The following CFAP263 variants were observed in gnomAD, a reference collection of about 807,000 sequenced individuals.
CFAP263 encodes cilia- and flagella-associated protein 263.
chr16:58,252,959 G>A, the CFAP263 span: 1 of 1,097,220 alleles, frequency 9.1e-7, no homozygotes, highest in Non-Finnish European at 1.4e-6. Flanking sequence ...ATTGACCATG[G>A]GACCTTCTCC....
the CFAP263 span, among the ~76,000 whole-genome samples, chr16:58,260,467 G>T: frequency 6.6e-6 from 1 of 152,206 alleles, no homozygotes; most frequent in Non-Finnish European, 1.5e-5. Context: ...AAACTCATAT[G>T]ATGACTGTGC....
chr16:58,254,749 C>T, the CFAP263 span, among the ~76,000 whole-genome samples: 21,726 of 151,686 alleles, frequency 0.14, 2,022 homozygotes, highest in East Asian at 0.33. Flanking sequence ...GTACTGCAGG[C>T]GCCCGCCACC....
At chr16:58,252,784 A>G in the CFAP263 span, 1 of 1,613,400 alleles carries the variant, frequency 6.2e-7, no homozygotes, top group Non-Finnish European at 8.5e-7. Flanking sequence ...ATTACGCTAA[A>G]CTGGAGCCCA....
chr16:58,259,963 GT>G, the CFAP263 span: 1 of 1,465,680 alleles, frequency 6.8e-7, no homozygotes, highest in Non-Finnish European at 9.5e-7. Flanking sequence ...CTCTCTCTCT[GT>G]TTCTTTTTAA....
the CFAP263 span, chr16:58,250,069 C>T: frequency 8.5e-5 from 136 of 1,598,258 alleles, no homozygotes; most frequent in Non-Finnish European, 8.5e-7. Flanking sequence ...AGGGTCGGAG[C>T]TGGAGCTGCC....
chr16:58,251,111 A>G, the CFAP263 span, among the ~76,000 whole-genome samples: 22 of 152,214 alleles, frequency 1.4e-4, no homozygotes, highest in Non-Finnish European at 5.9e-5. Context: ...GAACTGAGGT[A>G]TTATTACTAA....
chr16:58,282,663 T>G, the CFAP263 span: 1 of 152,200 alleles, frequency 6.6e-6, no homozygotes, highest in East Asian at 1.9e-4. Context: ...AGGGGGTGCT[T>G]TAGTGTGGCA....
chr16:58,252,729 A>G, the CFAP263 span: 25 of 1,613,234 alleles, frequency 1.5e-5, no homozygotes, highest in Non-Finnish European at 2.0e-5. Flanking sequence ...TCTTGCAGCT[A>G]TGTAAACTCT....
At chr16:58,274,056 A>G in the CFAP263 span, among the ~76,000 whole-genome samples, 1 of 152,246 alleles carries the variant, frequency 6.6e-6, no homozygotes, top group East Asian at 1.9e-4. Flanking sequence ...ACACTCAGCC[A>G]TCAGCCTTCA....
the CFAP263 span, among the ~76,000 whole-genome samples, chr16:58,263,683 A>C: frequency 2.0e-5 from 3 of 152,216 alleles, no homozygotes; most frequent in African/African-American, 4.8e-5. Flanking sequence ...CCGGGGGTCA[A>C]AGATGCAAAG....
chr16:58,257,506 A>G, the CFAP263 span, among the ~76,000 whole-genome samples: 3 of 151,870 alleles, frequency 2.0e-5, no homozygotes, highest in South Asian at 6.3e-4. Context: ...CAATCATAGC[A>G]CACTACAGCC....
the CFAP263 span, among the ~76,000 whole-genome samples, chr16:58,258,982 AAAAT>A: frequency 0.14 from 20,686 of 143,898 alleles, 1,619 homozygotes; most frequent in East Asian, 0.31. Context: ...CGTCTCAGAA[AAAAT>A]AAATAAATAA....
chr16:58,279,011 T>A, the CFAP263 span, among the ~76,000 whole-genome samples: 1 of 152,178 alleles, frequency 6.6e-6, no homozygotes, highest in Non-Finnish European at 1.5e-5. Flanking sequence ...GATGGATTTT[T>A]TAATATCACT....
At chr16:58,265,976 G>A in the CFAP263 span, among the ~76,000 whole-genome samples, 55 of 152,202 alleles carry the variant, frequency 3.6e-4, no homozygotes, top group Non-Finnish European at 6.5e-4. Context: ...CTGGACTTGC[G>A]GCAAAGTCCT....
chr16:58,259,777 A>C, the CFAP263 span: 6 of 922,910 alleles, frequency 6.5e-6, no homozygotes, highest in Non-Finnish European at 1.0e-5. Flanking sequence ...GCAGCCCCAG[A>C]ACCATCCACT....
the CFAP263 span, among the ~76,000 whole-genome samples, chr16:58,256,467 A>G: frequency 2.0e-5 from 3 of 152,198 alleles, no homozygotes. Flanking sequence ...GGAGAATGAC[A>G]TGGGCAAGGC....
At chr16:58,252,695 A>G in the CFAP263 span, 1 of 1,603,376 alleles carries the variant, frequency 6.2e-7, no homozygotes, top group Non-Finnish European at 8.5e-7. Flanking sequence ...AACTCTTATT[A>G]CTAGAACTTA....
At chr16:58,249,990 T>C in the CFAP263 span, 10 of 1,509,488 alleles carry the variant, frequency 6.6e-6, no homozygotes, top group Non-Finnish European at 9.1e-6. Flanking sequence ...CACACGGCAT[T>C]GGCAGGGGCC....
the CFAP263 span, chr16:58,254,140 G>A: frequency 3.2e-5 from 51 of 1,614,058 alleles, no homozygotes; most frequent in Admixed American, 4.3e-4. Flanking sequence ...AATGCGGAAC[G>A]CGACCTGCAG....
Sources: allele counts gnomAD v4.1 joint callset (sites outside exome capture counted in the v4.1 genomes callset), GRCh38; gene constraint gnomAD v4.1.1; transcripts MANE v1.5; gene names NCBI Gene and HGNC (gene_info 2026-07-23, HGNC 2026-07-21).